SHISA6: variants seen among roughly 807,000 people sequenced by gnomAD.
The protein encoded by SHISA6 is protein shisa-6.
SHISA6 carries 22 observed loss-of-function variants against 47.9 expected under a neutral mutation model. The observed-to-expected ratio is 0.46, with a 90% CI of 0.33 to 0.66. The LOEUF (loss-of-function observed/expected upper bound fraction) is 0.66. Among genes scored for constraint, SHISA6 ranks in the 30% least tolerant of loss-of-function variants. The pLI is 0.02. For missense variants in SHISA6, 680 were observed against 764.6 expected, an observed-to-expected ratio of 0.89 and a Z score of 1.30; for synonymous variants, 388 against 337.8, an observed-to-expected ratio of 1.15 and a Z score of -1.63.
At chr17:11,264,288 C>T (rs1472427997) in intron 2 of SHISA6, among the ~76,000 whole-genome samples, 2 of 152,120 alleles carry the variant, frequency 1.3e-5, no homozygotes, top group African/African-American at 2.4e-5. Context: ...CTTATTTATT[C>T]TCCACAGCAA....
chr17:11,325,467 A>G lies in SHISA6; in HGVS notation c.800-53947A>G, dbSNP rs200733646. On this transcript the variant is annotated intron_variant, in intron 2 of 5. Coordinates refer to ENST00000441885, the MANE Select transcript of SHISA6 (RefSeq NM_207386.4). Reference sequence around the variant, plus strand: ...GCTCCATCTGGAATTCCAGCCCCTAATTCCGGGGCACTGACAACCTTTAGG... The same window carrying G: ...GCTCCATCTGGAATTCCAGCCCCTAGTTCCGGGGCACTGACAACCTTTAGG... 1.2e-4 allele frequency among the ~76,000 whole-genome samples: 19 copies of G among 152,336 alleles called. No individual in the cohort carries two copies. The East Asian group carries it at 3.7e-3, about 29-fold the overall frequency.
chr17:11,333,437 G>T (rs2142206583), intron 2 of SHISA6, among the ~76,000 whole-genome samples: 1 of 152,304 alleles, frequency 6.6e-6, no homozygotes, highest in East Asian at 1.9e-4. Context: ...CAGGACAGGA[G>T]CTGGAGCTTG....
chr17:11,273,009 C>T (rs117835669), intron 2 of SHISA6, among the ~76,000 whole-genome samples: 3,996 of 152,314 alleles, frequency 0.026, 90 homozygotes, highest in Non-Finnish European at 0.039. Flanking sequence ...ATACGGCTCC[C>T]AGGAAAGCTG....
chr17:11,431,192 G>A (rs1914762138), intron 3 of SHISA6, among the ~76,000 whole-genome samples: 1 of 152,102 alleles, frequency 6.6e-6, no homozygotes, highest in Non-Finnish European at 1.5e-5. Flanking sequence ...GGTTGTTCAT[G>A]TCTCCCCACT....
chr17:11,542,172 CT>C (rs1294597819), intron 3 of SHISA6, among the ~76,000 whole-genome samples: 1 of 152,094 alleles, frequency 6.6e-6, no homozygotes, highest in Non-Finnish European at 1.5e-5. Context: ...GTACTGGCAA[CT>C]GCTACTGTGG....
chr17:11,256,301 G>C (rs566424382), intron 1 of SHISA6, among the ~76,000 whole-genome samples: 33 of 152,288 alleles, frequency 2.2e-4, no homozygotes, highest in Admixed American at 2.0e-4. Context: ...TTCGAGACCA[G>C]CCTGGCCAAC....
chr17:11,287,653 A>T (rs753303764), intron 2 of SHISA6, among the ~76,000 whole-genome samples: 7 of 142,996 alleles, frequency 4.9e-5, no homozygotes, highest in Admixed American at 1.4e-4. Flanking sequence ...AGCCTAGGTG[A>T]CAGAGACAGA....
chr17:11,382,126 A>T (rs1476778), intron 3 of SHISA6, among the ~76,000 whole-genome samples: 1 of 151,908 alleles, frequency 6.6e-6, no homozygotes, highest in Non-Finnish European at 1.5e-5. Flanking sequence ...AGGCTGAAGT[A>T]CAGTGGCACA....
intron 3 of SHISA6, among the ~76,000 whole-genome samples, chr17:11,532,739 CTTTTTT>C (rs71142217): frequency 2.4e-4 from 17 of 71,310 alleles, no homozygotes; most frequent in East Asian, 9.8e-4. Context: ...TCTATCAGGG[CTTTTTT>C]TTTTTTTTTT....
chr17:11,260,644 T>C (rs541941037), intron 1 of SHISA6, among the ~76,000 whole-genome samples: 37 of 152,048 alleles, frequency 2.4e-4, no homozygotes, highest in African/African-American at 8.0e-4. Context: ...CTGCCTCCTC[T>C]CCTCTCTCTG....
chr17:11,503,748 T>C (rs937678778), intron 3 of SHISA6, among the ~76,000 whole-genome samples: 4 of 152,238 alleles, frequency 2.6e-5, no homozygotes, highest in African/African-American at 7.2e-5. Context: ...TGTTTATCAA[T>C]TGACATCTGC....
intron 2 of SHISA6, among the ~76,000 whole-genome samples, chr17:11,292,840 T>TTC (rs386385664): frequency 2.6e-5 from 4 of 151,060 alleles, no homozygotes; most frequent in Non-Finnish European, 5.9e-5. Flanking sequence ...TTTTTTTTTT[T>TTC]TGAGATGGAG....
At chr17:11,320,870 C>T (rs1208912258) in intron 2 of SHISA6, among the ~76,000 whole-genome samples, 1 of 152,154 alleles carries the variant, frequency 6.6e-6, no homozygotes, top group African/African-American at 2.4e-5. Context: ...TCCAGAGAAT[C>T]ATCATTTTGT....
intron 3 of SHISA6, among the ~76,000 whole-genome samples, chr17:11,448,397 G>A (rs531806816): frequency 3.3e-5 from 5 of 151,874 alleles, no homozygotes; most frequent in Middle Eastern, 3.4e-3. Flanking sequence ...GCGTGGTGGT[G>A]GCATGCATGC....
At chr17:11,315,890 C>A (rs1372270430) in intron 2 of SHISA6, among the ~76,000 whole-genome samples, 1 of 152,116 alleles carries the variant, frequency 6.6e-6, no homozygotes, top group Non-Finnish European at 1.5e-5. Flanking sequence ...GACATTTTAT[C>A]ATCTAGACTT....
chr17:11,354,389 A>C (rs1037739051), intron 2 of SHISA6, among the ~76,000 whole-genome samples: 1 of 151,798 alleles, frequency 6.6e-6, no homozygotes, highest in Admixed American at 6.6e-5. Context: ...CCTTCTACAC[A>C]CTCTGCCACC....
chr17:11,525,654 A>AAAAAC (rs2071671533), intron 3 of SHISA6, among the ~76,000 whole-genome samples: 6 of 34,528 alleles, frequency 1.7e-4, no homozygotes, highest in African/African-American at 7.1e-4. Context: ...AAAAAAAACA[A>AAAAAC]AAAAAAAAAA....
intron 3 of SHISA6, among the ~76,000 whole-genome samples, chr17:11,473,226 C>T (rs1380230300): frequency 1.3e-5 from 2 of 152,052 alleles, no homozygotes; most frequent in African/African-American, 4.8e-5. Context: ...AAAGTCATTG[C>T]CATACCCAAG....
intron 2 of SHISA6, among the ~76,000 whole-genome samples, chr17:11,296,034 G>T (rs1909742101): frequency 6.6e-6 from 1 of 151,548 alleles, no homozygotes; most frequent in African/African-American, 2.4e-5. Flanking sequence ...CAAGGGCGCT[G>T]ATAAGCCAGA....
Sources: allele counts gnomAD v4.1 joint callset (sites outside exome capture counted in the v4.1 genomes callset), GRCh38; gene constraint gnomAD v4.1.1; transcripts MANE v1.5; gene names NCBI Gene and HGNC (gene_info 2026-07-23, HGNC 2026-07-21).